Variants in HTRA3 observed in about 807,000 individuals in gnomAD.
The protein encoded by HTRA3 is HtrA serine peptidase 3.
A neutral mutation model predicts 43.2 loss-of-function variants in HTRA3; 41 were observed. That is an observed-to-expected ratio of 0.95 (90% CI 0.74 to 1.23). The LOEUF is 1.23. Ranked by LOEUF, HTRA3 falls within the 50% of genes most tolerant of loss-of-function variation. The pLI, the probability that HTRA3 is intolerant of heterozygous loss-of-function variation, is 0.00. For synonymous variants in HTRA3, 295 were observed against 287.9 expected (o/e 1.02, Z -0.25); for missense variants, 628 against 647.1 (o/e 0.97, Z 0.32).
chr4:8,284,025 C>T (rs980135330), intron 2 of HTRA3, among the ~76,000 whole-genome samples: 1 of 152,178 alleles, frequency 6.6e-6, no homozygotes, highest in Admixed American at 6.5e-5. Context: ...TGTGAGAGCG[C>T]GTGACGGGCA....
Position 8,291,381 on chromosome 4 carries a change from T to C in HTRA3, c.720T>C (p.Pro240=), listed in dbSNP as rs756462477. 1 of 1,613,494 alleles carries C rather than the reference T, an allele frequency of 6.2e-7. No homozygotes were observed. The highest frequency in any genetic ancestry group is 1.7e-5 in the Admixed American group (1 of 60,024). Reference sequence around the variant, plus strand: ...CTTCTCTCTCCTAGAAAAAGCTCCCTGTGTTGTTGCTGGGTCACTCGGCCG... The same window carrying C: ...CTTCTCTCTCCTAGAAAAAGCTCCCCGTGTTGTTGCTGGGTCACTCGGCCG... ...TIKIHPKKKL[P]VLLLGHSADL... Residue 240 remains proline, a synonymous_variant, in exon 4 of 9, where the codon CCT becomes CCC. Coordinates refer to ENST00000307358, the MANE Select transcript of HTRA3 (RefSeq NM_053044.5).
intron 1 of HTRA3, among the ~76,000 whole-genome samples, chr4:8,277,641 C>T (rs1474996658): frequency 6.6e-6 from 1 of 152,222 alleles, no homozygotes; most frequent in Non-Finnish European, 1.5e-5. Flanking sequence ...CACTTAGGAG[C>T]CTGCACGCGC....
At chr4:8,284,418 C>A (rs896271607) in intron 2 of HTRA3, among the ~76,000 whole-genome samples, 3 of 152,226 alleles carry the variant, frequency 2.0e-5, no homozygotes, top group Admixed American at 6.5e-5. Context: ...TTTCTGCCCT[C>A]AGAGCCTCCA....
chr4:8,299,865 A>T (rs1436994456), intron 6 of HTRA3, among the ~76,000 whole-genome samples: 2 of 134,164 alleles, frequency 1.5e-5, no homozygotes, highest in Non-Finnish European at 3.1e-5. Flanking sequence ...TTTGAGATGG[A>T]GTCTCACTCT....
At chr4:8,276,330 G>A (rs1318915830) in intron 1 of HTRA3, among the ~76,000 whole-genome samples, 1 of 152,254 alleles carries the variant, frequency 6.6e-6, no homozygotes, top group Non-Finnish European at 1.5e-5. Flanking sequence ...ATGAGATGAT[G>A]GACTGAGTGT....
chr4:8,278,771 C>T (rs1172727406), intron 1 of HTRA3, among the ~76,000 whole-genome samples: 1 of 152,212 alleles, frequency 6.6e-6, no homozygotes, highest in African/African-American at 2.4e-5. Flanking sequence ...CAGGCCTGCC[C>T]TCCCTCAGTG....
At chr4:8,290,249 C>T (rs1328476880) in intron 3 of HTRA3, among the ~76,000 whole-genome samples, 1 of 152,236 alleles carries the variant, frequency 6.6e-6, no homozygotes, top group Non-Finnish European at 1.5e-5. Context: ...CGGGGCTCCA[C>T]GTCGTCCCCA....
chr4:8,283,433 T>A (rs1372368343), intron 2 of HTRA3, among the ~76,000 whole-genome samples: 1 of 152,196 alleles, frequency 6.6e-6, no homozygotes, highest in Non-Finnish European at 1.5e-5. Flanking sequence ...CTGAGCTGGT[T>A]TGGGGGAGCC....
At position 8,291,549 on chromosome 4, in the gene HTRA3, G is replaced by A. The variant is rs765454185; in HGVS notation, c.888G>A (p.Thr296=). The change falls in exon 4 of 9, where the codon ACG becomes ACA. Residue 296 remains threonine, a synonymous_variant. Transcript: ENST00000307358. The part of the protein sequence containing the change: ...LRDSDMDYIQ[T]DAIINYGNSG... ...ACTCCGACATGGACTACATCCAGAC[G>A]GATGCCATCATCAACGTGAGTCCCA... The A allele has an allele frequency of 2.1e-5, 34 of 1,593,426 alleles. No individual in the cohort carries two copies. The East Asian group carries it at 2.9e-4, about 14-fold the overall frequency.
At chr4:8,271,918 T>C (rs1560132360) in intron 1 of HTRA3, among the ~76,000 whole-genome samples, 1 of 152,308 alleles carries the variant, frequency 6.6e-6, no homozygotes, top group African/African-American at 2.4e-5. Flanking sequence ...CCGGCTTGTG[T>C]TGAGACTGCC....
chr4:8,282,602 G>A (rs1008643539), intron 2 of HTRA3, 66 bp downstream of exon 2: 13 of 1,276,480 alleles, frequency 1.0e-5, no homozygotes, highest in South Asian at 3.7e-5. Flanking sequence ...CAGCTGCTGG[G>A]GCCCAAACCA....
chr4:8,287,048 G>A (rs1713014683), intron 3 of HTRA3, among the ~76,000 whole-genome samples: 1 of 152,230 alleles, frequency 6.6e-6, no homozygotes, highest in Non-Finnish European at 1.5e-5. Flanking sequence ...TGGGTGGGCT[G>A]TGGTCCCATA....
At chr4:8,281,653 G>A (rs1712748961) in intron 1 of HTRA3, among the ~76,000 whole-genome samples, 1 of 152,248 alleles carries the variant, frequency 6.6e-6, no homozygotes, top group Non-Finnish European at 1.5e-5. Context: ...GGGAACTGGA[G>A]AGAGCCCGGC....
chr4:8,298,357 G>T (rs1032344914), intron 6 of HTRA3, among the ~76,000 whole-genome samples: 7 of 152,202 alleles, frequency 4.6e-5, no homozygotes, highest in African/African-American at 1.4e-4. Flanking sequence ...GGTTATTTGT[G>T]TTCTTACTAG....
At chr4:8,271,181 A>G (rs1379906514) in intron 1 of HTRA3, among the ~76,000 whole-genome samples, 5 of 151,988 alleles carry the variant, frequency 3.3e-5, no homozygotes, top group Non-Finnish European at 1.5e-5. Flanking sequence ...CACCATGGGG[A>G]GCACCAACTG....
rs1713347962 is a variant in HTRA3, at chr4:8,294,116, C to T, written c.966C>T (p.Leu322=). 2 of 1,612,104 alleles carry T rather than the reference C, an allele frequency of 1.2e-6. No homozygotes were observed. The highest frequency in any genetic ancestry group is 1.7e-4 in the Middle Eastern group (1 of 6,044). The change falls in exon 6 of 9, where the codon CTC becomes CTT. Residue 322 remains leucine, a synonymous_variant. Coordinates refer to ENST00000307358, the MANE Select transcript of HTRA3 (RefSeq NM_053044.5). ...LDGEVIGINT[L]KVTAGISFAI... ...GCGAGGTCATTGGCATCAACACGCT[C>T]AAGGTCACGGCTGGCATCTCCTTTG...
chr4:8,282,817 A>G (rs78405825), intron 2 of HTRA3, among the ~76,000 whole-genome samples: 2,292 of 152,356 alleles, frequency 0.015, 56 homozygotes, highest in African/African-American at 0.051. Flanking sequence ...TATTGGATAC[A>G]TGCAATGTGT....
intron 5 of HTRA3, among the ~76,000 whole-genome samples, 171 bp downstream of exon 5, chr4:8,292,524 C>T (rs546085213): frequency 6.6e-6 from 1 of 152,306 alleles, no homozygotes; most frequent in East Asian, 1.9e-4. Flanking sequence ...CAAGGCTGCC[C>T]CAAGCGCCTC....
At position 8,286,605 on chromosome 4, in the gene HTRA3, G is replaced by C; in HGVS notation, c.530G>C (p.Gly177Ala). 1.4e-5 allele frequency: 22 copies of C among 1,614,156 alleles called. No individual in the cohort carries two copies. The highest frequency in any genetic ancestry group is 1.8e-5 in the Non-Finnish European group (21 of 1,180,034). ...GRNVPLSSGS[G>A]FIMSEAGLII... ...AACGTGCCCCTGTCCAGCGGTTCTG[G>C]CTTCATCATGTCAGAGGCCGGCCTG... The change falls in exon 3 of 9, where the codon GGC becomes GCC. Residue 177 changes from glycine (G) to alanine (A), a missense_variant. Gly to Ala is a moderately conservative substitution (Grantham distance 60). Coordinates refer to ENST00000307358, the MANE Select transcript of HTRA3 (RefSeq NM_053044.5). The surrounding 1 kb of genome is among the most constrained non-coding windows in gnomAD (Gnocchi z 4.9).
Sources: allele counts gnomAD v4.1 joint callset (sites outside exome capture counted in the v4.1 genomes callset), GRCh38; gene constraint gnomAD v4.1.1; non-coding constraint Gnocchi (gnomAD v3.1); transcripts MANE v1.5; gene names NCBI Gene and HGNC (gene_info 2026-07-23, HGNC 2026-07-21).